CEP112: variants seen among roughly 807,000 people sequenced by gnomAD.
The protein encoded by CEP112 is centrosomal protein 112.
Under a neutral mutation model 153.0 loss-of-function variants are expected in CEP112, and 127 were observed. The observed-to-expected ratio is 0.83, with a 90% confidence interval of 0.72 to 0.96. The LOEUF (loss-of-function observed/expected upper bound fraction) is 0.96. Among genes scored for constraint, CEP112 ranks in the 40% least tolerant of loss-of-function variants. CEP112 has a pLI of 0.00. For synonymous variants in CEP112, 358 were observed against 374.4 expected (o/e 0.96, Z 0.51); for missense variants, 1,089 against 1,101.2 (o/e 0.99, Z 0.16).
chr17:65,746,561 C>T (rs560470094), intron 22 of CEP112, among the ~76,000 whole-genome samples: 1 of 151,974 alleles, frequency 6.6e-6, no homozygotes, highest in Non-Finnish European at 1.5e-5. Context: ...GATTAACATG[C>T]TTCAGGTAAG....
intron 21 of CEP112, among the ~76,000 whole-genome samples, chr17:65,766,393 C>T (rs1166178466): frequency 2.1e-5 from 3 of 145,676 alleles, no homozygotes; most frequent in Non-Finnish European, 3.0e-5. Context: ...AGCAGATACA[C>T]AAAAAAATAA....
At chr17:65,676,834 G>A (rs748992579) in intron 24 of CEP112, among the ~76,000 whole-genome samples, 2 of 152,196 alleles carry the variant, frequency 1.3e-5, no homozygotes, top group Non-Finnish European at 2.9e-5. Context: ...ATTCGGTTTA[G>A]TTTTTCATTC....
chr17:66,128,544 G>A (rs140301235), intron 6 of CEP112, among the ~76,000 whole-genome samples: 1 of 152,228 alleles, frequency 6.6e-6, no homozygotes, highest in East Asian at 1.9e-4. Context: ...CTGATATACT[G>A]CTGGTTGAAG....
At chr17:65,684,564 A>G (rs892215927) in intron 24 of CEP112, among the ~76,000 whole-genome samples, 1 of 152,198 alleles carries the variant, frequency 6.6e-6, no homozygotes, top group Admixed American at 6.5e-5. Flanking sequence ...TTTCTTTTCT[A>G]TAATTTATCA....
At chr17:66,132,604 T>C in intron 5 of CEP112, 66 bp downstream of exon 5, 1 of 1,124,290 alleles carries the variant, frequency 8.9e-7, no homozygotes, top group Middle Eastern at 2.0e-4. Flanking sequence ...CAAATGAAAT[T>C]AAAACTTTGT....
intron 2 of CEP112, among the ~76,000 whole-genome samples, chr17:66,179,861 C>A (rs1331112861): frequency 6.6e-6 from 1 of 152,070 alleles, no homozygotes; most frequent in South Asian, 2.1e-4. Context: ...AGGACTGTTA[C>A]TTTGATACCC....
chr17:65,712,969 T>C (rs1419599777), intron 23 of CEP112, among the ~76,000 whole-genome samples: 1 of 152,116 alleles, frequency 6.6e-6, no homozygotes, highest in Non-Finnish European at 1.5e-5. Context: ...AAACTGGACA[T>C]AAAAAGTAAG....
chr17:66,116,930 G>A (rs769418147), intron 6 of CEP112, among the ~76,000 whole-genome samples: 6 of 146,592 alleles, frequency 4.1e-5, no homozygotes, highest in African/African-American at 1.3e-4. Flanking sequence ...ACAGTGGTGC[G>A]ATCTCGGCTC....
In CEP112 at chr17:66,020,859, C is replaced by T. The variant is rs186469326; in HGVS notation, c.1656+6642G>A. On this transcript the variant is annotated intron_variant, in intron 16 of 26. Transcript: ENST00000535342. ...GATGGTGGACCAGAGGCCTTTCCAA[C>T]GTGCCTCATCTACTTGGAAGAATTT... is the stretch of plus-strand genomic sequence containing the variant. Among the ~76,000 whole-genome samples, 216 of 152,156 alleles carry T rather than the reference C, an allele frequency of 1.4e-3. 2 individuals are homozygous for T. Among genetic ancestry groups the T allele is most frequent in the African/African-American group, 4.9e-3 (205 of 41,500 alleles).
At chr17:65,896,257 A>G (rs902044255) in intron 20 of CEP112, among the ~76,000 whole-genome samples, 2 of 152,092 alleles carry the variant, frequency 1.3e-5, no homozygotes, top group Admixed American at 1.3e-4. Context: ...TAGAGCAATC[A>G]TTTTTCTTGC....
chr17:65,640,154 A>ATATATATATATATATATT (rs1300751452), intron 25 of CEP112, among the ~76,000 whole-genome samples: 2 of 78,338 alleles, frequency 2.6e-5, no homozygotes, highest in African/African-American at 1.4e-4. Context: ...ATATATATAT[A>ATATATATATATATATATT]TTTTTTTTTT....
intron 21 of CEP112, 58 bp from the exon 22 acceptor site, chr17:65,750,782 C>T: frequency 6.7e-7 from 1 of 1,499,940 alleles, no homozygotes; most frequent in Non-Finnish European, 9.3e-7. Context: ...GGTATCTCTT[C>T]CACATGCCTA....
Position 65,802,854 on chromosome 17 carries a change from C to T in CEP112, c.2394+48950G>A, listed in dbSNP as rs191766880. Among the ~76,000 whole-genome samples, 625 of 152,320 alleles carry T rather than the reference C, an allele frequency of 4.1e-3. 1 individual carries two copies. The highest frequency in any genetic ancestry group is 6.4e-3 in the Non-Finnish European group (434 of 68,028). ...GCATCAATATATTCCTCTTCCCACACGCTCTTTTCCCTATATAGTGTCGAT... is the reference window on the plus strand; with the variant it reads ...GCATCAATATATTCCTCTTCCCACATGCTCTTTTCCCTATATAGTGTCGAT... On this transcript the variant is annotated intron_variant, in intron 21 of 26. Transcript: ENST00000535342.
chr17:66,052,277 C>T (rs753403575), intron 12 of CEP112, among the ~76,000 whole-genome samples: 3 of 152,118 alleles, frequency 2.0e-5, no homozygotes, highest in Admixed American at 6.6e-5. Flanking sequence ...TACCTTTGCA[C>T]CAACATAAAG....
Position 65,851,971 on chromosome 17 carries a change from G to GT in CEP112, c.2226dup (p.Gln743ThrfsTer14). The GT allele has an allele frequency of 1.2e-6, 2 of 1,614,000 alleles. No individual in the cohort carries two copies. The highest frequency in any genetic ancestry group is 1.7e-6 in the Non-Finnish European group (2 of 1,180,000). On this transcript the variant is annotated frameshift_variant, in exon 21 of 27. Coordinates refer to ENST00000535342, the MANE Select transcript of CEP112 (RefSeq NM_001199165.4). LOFTEE classifies it high-confidence loss of function. ...AGCTCTACCAGCTGCTGTTTCCGCT[G>GT]TGAGTTCACATTGATCAATTCTTCT...
chr17:65,667,233 A>G (rs996867212), intron 24 of CEP112, among the ~76,000 whole-genome samples: 1 of 152,156 alleles, frequency 6.6e-6, no homozygotes, highest in Non-Finnish European at 1.5e-5. Flanking sequence ...ATTGAGGACA[A>G]TGATGGACCC....
intron 19 of CEP112, among the ~76,000 whole-genome samples, chr17:65,911,694 A>G (rs963867739): frequency 6.6e-6 from 1 of 152,148 alleles, no homozygotes; most frequent in Non-Finnish European, 1.5e-5. Context: ...AAAAAATGAG[A>G]GAAATCTTTC....
chr17:65,937,655 G>A (rs1244783250), intron 18 of CEP112, among the ~76,000 whole-genome samples: 7 of 96,208 alleles, frequency 7.3e-5, no homozygotes, highest in Non-Finnish European at 1.1e-4. Context: ...CGCCCTGTCC[G>A]GGAGGTGAGG....
At chr17:66,030,845 T>C (rs1568404671) in intron 12 of CEP112, among the ~76,000 whole-genome samples, 1 of 152,218 alleles carries the variant, frequency 6.6e-6, no homozygotes. Flanking sequence ...AAGGATAGGT[T>C]AGTATGATGT....
Sources: allele counts gnomAD v4.1 joint callset (sites outside exome capture counted in the v4.1 genomes callset), GRCh38; gene constraint gnomAD v4.1.1; transcripts MANE v1.5; gene names NCBI Gene and HGNC (gene_info 2026-07-23, HGNC 2026-07-21).